KYNU: variants seen among roughly 807,000 people sequenced by gnomAD.
The protein encoded by KYNU is L-kynurenine hydrolase.
A neutral mutation model predicts 59.2 loss-of-function variants in KYNU; 54 were observed. The observed-to-expected ratio is 0.91, with a 90% CI of 0.73 to 1.14. The LOEUF (loss-of-function observed/expected upper bound fraction) is 1.14. KYNU is among the 50% of genes most tolerant of loss of function. The pLI, the probability that KYNU is intolerant of heterozygous loss-of-function variation, is 0.00. For missense variants in KYNU, 567 were observed against 554.4 expected (o/e 1.02, Z -0.23); for synonymous variants, 177 against 192.0 (o/e 0.92, Z 0.65).
At chr2:143,027,026 C>A (rs73964630) in intron 10 of KYNU, among the ~76,000 whole-genome samples, 3,288 of 152,176 alleles carry the variant, frequency 0.022, 127 homozygotes, top group African/African-American at 0.075. Flanking sequence ...AACATTTGAG[C>A]GGGAAAACAG....
At chr2:142,927,826 T>C (rs1451338999) in intron 4 of KYNU, 85 bp downstream of exon 4, 1 of 928,930 alleles carries the variant, frequency 1.1e-6, no homozygotes, top group Non-Finnish European at 1.8e-6. Flanking sequence ...AAAGTCAAAA[T>C]CTTATTGAAG....
At chr2:142,962,469 T>C (rs532865710) in intron 8 of KYNU, among the ~76,000 whole-genome samples, 3 of 152,342 alleles carry the variant, frequency 2.0e-5, no homozygotes, top group Admixed American at 6.5e-5. Flanking sequence ...AATATGATAT[T>C]ATAAAGTGGT....
At chr2:143,016,271 A>G (rs997622165) in intron 10 of KYNU, among the ~76,000 whole-genome samples, 1 of 152,128 alleles carries the variant, frequency 6.6e-6, no homozygotes, top group African/African-American at 2.4e-5. Context: ...CTGAGGCAAG[A>G]CCTCATATTC....
At chr2:142,891,864 A>G (rs1482744959) in intron 2 of KYNU, among the ~76,000 whole-genome samples, 1 of 152,254 alleles carries the variant, frequency 6.6e-6, no homozygotes, top group Non-Finnish European at 1.5e-5. Context: ...AACTTTCATA[A>G]GAAAACAATT....
chr2:142,964,087 C>A (rs536531738), intron 8 of KYNU, among the ~76,000 whole-genome samples: 1 of 150,084 alleles, frequency 6.7e-6, no homozygotes, highest in Non-Finnish European at 1.5e-5. Flanking sequence ...GTGTGAGATT[C>A]ATTCATGCAG....
chr2:142,926,246 T>G (rs1232929219), intron 3 of KYNU, among the ~76,000 whole-genome samples: 1 of 152,058 alleles, frequency 6.6e-6, no homozygotes, highest in African/African-American at 2.4e-5. Flanking sequence ...ACCTGCACGT[T>G]CTGCACATGT....
At chr2:142,953,812 T>C (rs1193734371) in intron 4 of KYNU, among the ~76,000 whole-genome samples, 1 of 152,218 alleles carries the variant, frequency 6.6e-6, no homozygotes, top group East Asian at 1.9e-4. Context: ...CTTCCTTAAA[T>C]GGCTATGTTG....
At chr2:143,011,668 G>A (rs1158556572) in intron 10 of KYNU, among the ~76,000 whole-genome samples, 1 of 48,104 alleles carries the variant, frequency 2.1e-5, no homozygotes, top group Non-Finnish European at 3.7e-5. Flanking sequence ...CAACCCAAAT[G>A]TCCAACAATG....
At chr2:142,942,084 A>G (rs1270854740) in intron 4 of KYNU, among the ~76,000 whole-genome samples, 1 of 148,212 alleles carries the variant, frequency 6.7e-6, no homozygotes, top group Non-Finnish European at 1.5e-5. Flanking sequence ...GGCTGAGGTG[A>G]GAGAGTTGCT....
At chr2:142,917,943 A>G (rs1682720713) in intron 2 of KYNU, among the ~76,000 whole-genome samples, 1 of 152,182 alleles carries the variant, frequency 6.6e-6, no homozygotes, top group Non-Finnish European at 1.5e-5. Context: ...TACAAATGTG[A>G]TTGTAAACTT....
At chr2:142,943,430 ATATT>A (rs890093524) in intron 4 of KYNU, among the ~76,000 whole-genome samples, 1 of 152,092 alleles carries the variant, frequency 6.6e-6, no homozygotes, top group African/African-American at 2.4e-5. Flanking sequence ...AATAATAACC[ATATT>A]TATTCATAGA....
At chr2:142,905,710 C>T (rs1055855789) in intron 2 of KYNU, among the ~76,000 whole-genome samples, 2 of 152,160 alleles carry the variant, frequency 1.3e-5, no homozygotes, top group African/African-American at 4.8e-5. Context: ...CTACTTTCTT[C>T]TGTTAGCAAA....
intron 10 of KYNU, among the ~76,000 whole-genome samples, chr2:143,028,572 G>A (rs1573913491): frequency 2.0e-5 from 3 of 150,374 alleles, no homozygotes; most frequent in South Asian, 2.1e-4. Flanking sequence ...GAGGCCAGGC[G>A]TGGTGGCTCA....
In KYNU at chr2:143,049,036, A is replaced by G. The variant is rs936436822; in HGVS notation, c.*6864A>G. On this transcript the variant is annotated 3_prime_UTR_variant, in exon 14 of 14. Coordinates refer to ENST00000264170, the MANE Select transcript of KYNU (RefSeq NM_003937.3). ...TTTGCTGTCTATCCAAGATTTGAGG[A>G]TTAATTTTTTAATTTCTAGAAAATT... 7 of 152,122 alleles carry G rather than the reference A, an allele frequency of 4.6e-5. No individual in the cohort carries two copies. Among genetic ancestry groups the G allele is most frequent in the Non-Finnish European group, 8.8e-5 (6 of 68,018 alleles). 9.4% of individuals were successfully genotyped at this position (152,122 alleles called of 1,614,324 possible). A position where few individuals can be genotyped will look rare whatever the true frequency, so the allele number is the denominator to read the frequency against.
At chr2:142,985,907 A>G (rs768103542) in intron 9 of KYNU, 41 bp from the exon 10 acceptor site, 2 of 1,355,816 alleles carry the variant, frequency 1.5e-6, no homozygotes, top group South Asian at 1.2e-5. Context: ...TTTGTCATAT[A>G]TTTAAGTAAA....
At position 143,055,036 on chromosome 2, in the gene KYNU, A is replaced by G. The variant is rs1217991282; in HGVS notation, c.*12864A>G. ...ATTTCTATATATATATACCAAGTAC[A>G]TAGGAGTGAAATAATACAAAATCTG... On this transcript the variant is annotated 3_prime_UTR_variant, in exon 14 of 14. Transcript: ENST00000264170. The G allele has an allele frequency of 2.0e-5, 3 of 152,214 alleles. No individual in the cohort carries two copies. Among genetic ancestry groups the G allele is most frequent in the Non-Finnish European group, 4.4e-5 (3 of 68,042 alleles). The allele number at this position is 152,214 out of a possible 1,614,324, so 9.4% of individuals were successfully genotyped here.
chr2:143,033,933 C>A (rs1445165997), intron 12 of KYNU, among the ~76,000 whole-genome samples: 1 of 151,904 alleles, frequency 6.6e-6, no homozygotes, highest in Non-Finnish European at 1.5e-5. Context: ...CCATTATGTC[C>A]ATTTATAGTC....
rs1229281677 is a variant in KYNU at position 143,048,891 on chromosome 2, C to T, written c.*6719C>T. 6.6e-6 allele frequency: 1 copy of T among 152,146 alleles called. No individual in the cohort carries two copies. Among genetic ancestry groups the T allele is most frequent in the Non-Finnish European group, 1.5e-5 (1 of 68,034 alleles). 9.4% of individuals were successfully genotyped at this position (152,146 alleles called of 1,614,324 possible). ...GTGGAGAAATAAGAATGCTTTTACA[C>T]TGTTAGTGGGAATGTAAATTAGTTC... is the stretch of plus-strand genomic sequence containing the variant. On this transcript the variant is annotated 3_prime_UTR_variant, in exon 14 of 14. Transcript: ENST00000264170.
At chr2:142,944,706 T>C (rs138683188) in intron 4 of KYNU, among the ~76,000 whole-genome samples, 133 of 152,318 alleles carry the variant, frequency 8.7e-4, no homozygotes, top group African/African-American at 2.8e-3. Flanking sequence ...AATGATGATA[T>C]TGAAACATCT....
Sources: gnomAD v4.1 joint callset for allele counts (sites outside exome capture counted in the v4.1 genomes callset) on GRCh38, gnomAD v4.1.1 for gene constraint, MANE v1.5 for transcripts, NCBI Gene and HGNC (gene_info 2026-07-23, HGNC 2026-07-21) for gene names.